Variants in AGMO observed in about 807,000 individuals in gnomAD.
AGMO encodes the protein alkylglycerol monooxygenase, also known as glyceryl-ether monooxygenase.
Under a neutral mutation model 60.2 loss-of-function variants are expected in AGMO, and 75 were observed. That is an observed-to-expected ratio of 1.25 (90% CI 1.03 to 1.51). The LOEUF is 1.51. Ranked by LOEUF, AGMO falls within the 40% of genes most tolerant of loss-of-function variation. The probability of loss-of-function intolerance (pLI) is 0.00; values close to 1 mark genes in which losing one functional copy is unlikely to be tolerated. For synonymous variants in AGMO, 261 were observed against 177.1 expected (o/e 1.47, Z -3.76); for missense variants, 763 against 525.5 (o/e 1.45, Z -4.42).
At chr7:15,265,882 A>G (rs1211504252) in intron 12 of AGMO, among the ~76,000 whole-genome samples, 2 of 152,148 alleles carry the variant, frequency 1.3e-5, no homozygotes, top group Non-Finnish European at 1.5e-5. Flanking sequence ...GAGTCAGTGT[A>G]TGTTCACCAA....
At chr7:15,395,633 C>T (rs1784342051) in intron 5 of AGMO, among the ~76,000 whole-genome samples, 1 of 152,030 alleles carries the variant, frequency 6.6e-6, no homozygotes, top group South Asian at 2.1e-4. Context: ...ACAACTGATG[C>T]AAATTAATCA....
intron 2 of AGMO, among the ~76,000 whole-genome samples, chr7:15,550,474 A>G (rs1028316429): frequency 3.9e-5 from 6 of 152,200 alleles, no homozygotes; most frequent in Non-Finnish European, 7.3e-5. Context: ...ATAAAAAATG[A>G]TAAAGGGGAT....
intron 12 of AGMO, among the ~76,000 whole-genome samples, chr7:15,288,980 G>A (rs887498288): frequency 4.0e-5 from 6 of 151,762 alleles, no homozygotes; most frequent in African/African-American, 1.5e-4. Flanking sequence ...TCAGAGATTT[G>A]CTAAGTGTGC....
chr7:15,387,576 G>A (rs759593172), intron 8 of AGMO, 36 bp from the exon 9 acceptor site: 4 of 1,549,770 alleles, frequency 2.6e-6, no homozygotes, highest in South Asian at 2.4e-5. Context: ...TTTCACATAA[G>A]ATAAATAGGA....
intron 12 of AGMO, among the ~76,000 whole-genome samples, chr7:15,250,320 CTTG>C (rs1782892613): frequency 6.6e-6 from 1 of 152,036 alleles, no homozygotes. Flanking sequence ...ATTAGTCTTC[CTTG>C]TTAAGAAAAT....
chr7:15,194,498 T>C, the AGMO span, among the ~76,000 whole-genome samples: 4 of 152,096 alleles, frequency 2.6e-5, no homozygotes, highest in African/African-American at 4.8e-5. Context: ...CCTTTGAGCA[T>C]GAATATCTTA....
Position 15,544,810 on chromosome 7 carries a change from A to G in AGMO, c.371T>C (p.Val124Ala), listed in dbSNP as rs781461201. 4 of 1,607,918 alleles carry G rather than the reference A, an allele frequency of 2.5e-6. 1 individual carries two copies. The African/African-American group carries it at 4.0e-5, about 16-fold the overall frequency. Reference sequence around the variant, plus strand: ...ATGGAACCAGTAGTAGCCAAAGTCAACTCCTAAGAAGGCTGAATACCAAGT... The same window carrying G: ...ATGGAACCAGTAGTAGCCAAAGTCAGCTCCTAAGAAGGCTGAATACCAAGT... ...PWTWYSAFLG[V>A]DFGYYWFHRM... Residue 124 changes from valine (V) to alanine (A), a missense_variant, in exon 3 of 13, where the codon GTT (valine) becomes GCT (alanine). By Grantham distance (64) the Val-to-Ala change is moderately conservative (BLOSUM62 0). Coordinates refer to ENST00000342526, the MANE Select transcript of AGMO (RefSeq NM_001004320.2).
chr7:15,118,209 CAT>C, the AGMO span, among the ~76,000 whole-genome samples: 9 of 149,490 alleles, frequency 6.0e-5, no homozygotes, highest in East Asian at 4.0e-4. Context: ...CACACACACA[CAT>C]ATATACAAAC....
chr7:15,547,798 C>T (rs1339196550), intron 2 of AGMO, among the ~76,000 whole-genome samples: 1 of 151,922 alleles, frequency 6.6e-6, no homozygotes. Flanking sequence ...GAAGCTCCAA[C>T]TGGGTGGAAC....
intron 3 of AGMO, among the ~76,000 whole-genome samples, chr7:15,461,185 C>T (rs1188445472): frequency 6.6e-6 from 1 of 151,954 alleles, no homozygotes; most frequent in Non-Finnish European, 1.5e-5. Context: ...ATATCTGCCA[C>T]CCAGTCAACT....
chr7:15,337,270 T>C (rs901047387), intron 12 of AGMO, among the ~76,000 whole-genome samples: 4 of 152,180 alleles, frequency 2.6e-5, no homozygotes, highest in Non-Finnish European at 4.4e-5. Context: ...GCAGGAAATA[T>C]GCAAGAAGGA....
intron 5 of AGMO, among the ~76,000 whole-genome samples, chr7:15,410,394 C>G (rs1243178637): frequency 6.6e-6 from 1 of 151,402 alleles, no homozygotes; most frequent in Non-Finnish European, 1.5e-5. Context: ...AAATAAATAA[C>G]AAAAAAACCC....
intron 3 of AGMO, among the ~76,000 whole-genome samples, chr7:15,437,692 G>T (rs1470583425): frequency 3.3e-5 from 5 of 151,872 alleles, no homozygotes. Context: ...CCGCCACCAC[G>T]CCAGGCTAAT....
intron 12 of AGMO, among the ~76,000 whole-genome samples, chr7:15,346,432 G>A (rs1387792155): frequency 2.0e-5 from 3 of 151,708 alleles, no homozygotes; most frequent in African/African-American, 2.4e-5. Context: ...AGTGTTTCAC[G>A]TGTTTTGTGC....
intron 3 of AGMO, among the ~76,000 whole-genome samples, chr7:15,441,212 G>A (rs28656453): frequency 0.014 from 2,178 of 152,188 alleles, 49 homozygotes; most frequent in African/African-American, 0.051. Context: ...TCAAACATAA[G>A]GAAAACCAGT....
At chr7:15,479,155 G>A (rs1340365773) in intron 3 of AGMO, among the ~76,000 whole-genome samples, 7 of 151,976 alleles carry the variant, frequency 4.6e-5, no homozygotes, top group Admixed American at 3.9e-4. Context: ...TAGAAATTAC[G>A]GACATTAAAT....
At chr7:15,278,750 C>G (rs953165120) in intron 12 of AGMO, among the ~76,000 whole-genome samples, 2 of 152,186 alleles carry the variant, frequency 1.3e-5, no homozygotes, top group Non-Finnish European at 2.9e-5. Context: ...TCCAGGGCAG[C>G]CGGGGCAGTG....
intron 3 of AGMO, among the ~76,000 whole-genome samples, chr7:15,507,910 G>T (rs1169629856): frequency 2.6e-5 from 4 of 152,036 alleles, no homozygotes; most frequent in Non-Finnish European, 5.9e-5. Flanking sequence ...ATATGAAAGG[G>T]GTGGGATAGG....
chr7:15,163,546 T>C, the AGMO span, among the ~76,000 whole-genome samples: 1 of 152,180 alleles, frequency 6.6e-6, no homozygotes, highest in Non-Finnish European at 1.5e-5. Context: ...TTAGATTTTA[T>C]AGAATGCTTT....
Sources: allele counts gnomAD v4.1 joint callset (sites outside exome capture counted in the v4.1 genomes callset), GRCh38; gene constraint gnomAD v4.1.1; transcripts MANE v1.5; gene names NCBI Gene and HGNC (gene_info 2026-07-23, HGNC 2026-07-21).